The following CNRIP1 variants were observed in gnomAD, a reference collection of about 807,000 sequenced individuals.
CNRIP1 encodes cannabinoid receptor interacting protein 1, also known as CB1 cannabinoid receptor-interacting protein 1.
A neutral mutation model predicts 15.2 loss-of-function variants in CNRIP1; 10 were observed. The ratio of observed to expected loss-of-function variants is 0.66; its 90% confidence interval spans 0.41 to 1.12. CNRIP1 has a LOEUF of 1.12. Among genes scored for constraint, CNRIP1 ranks in the 50% most tolerant of loss-of-function variants. The pLI is 0.00. For synonymous variants in CNRIP1, 91 were observed against 83.2 expected (o/e 1.09, Z -0.51); for missense variants, 211 against 214.7 (o/e 0.98, Z 0.11).
chr2:68,308,063 T>G lies in CNRIP1; in HGVS notation c.330+9094A>C, dbSNP rs13420417. 6.9e-3 allele frequency among the ~76,000 whole-genome samples: 1,046 copies of G among 152,108 alleles called. 9 individuals carry two copies. Among genetic ancestry groups the G allele is most frequent in the African/African-American group, 0.024 (985 of 41,492 alleles). ...TAAAAATTGGCTTGGCGTGGTGGCA[T>G]GTGGCTGTAGTCCCAGCTATTCAGG... On this transcript the variant is annotated intron_variant, in intron 2 of 2. Coordinates refer to ENST00000263655, the MANE Select transcript of CNRIP1 (RefSeq NM_015463.3).
intron 2 of CNRIP1, among the ~76,000 whole-genome samples, chr2:68,286,527 T>C (rs909652109): frequency 1.3e-5 from 2 of 152,248 alleles, no homozygotes; most frequent in African/African-American, 2.4e-5. Context: ...GTTTCAGTTT[T>C]GGGAAATTCA....
rs368152736 is a variant in CNRIP1, at chr2:68,286,768, G to A, written c.331-2284C>T. Among the ~76,000 whole-genome samples the A allele has an allele frequency of 2.0e-3, 298 of 152,240 alleles. 1 individual carries two copies. The highest frequency in any genetic ancestry group is 6.9e-3 in the African/African-American group (285 of 41,548). ...TATAAACTTCTAGATGAGGGTAAGC[G>A]TGTTGAAGTCATACTGATTTGGATT... On this transcript the variant is annotated intron_variant, in intron 2 of 2. Transcript: ENST00000409559.
At chr2:68,316,967 T>G in intron 2 of CNRIP1, 190 bp downstream of exon 2, 1 of 709,166 alleles carries the variant, frequency 1.4e-6, no homozygotes, top group Non-Finnish European at 2.5e-6. Flanking sequence ...ACAGGGTCAG[T>G]CTGTCATGCA....
chr2:68,297,855 G>T (rs1671438168), intron 2 of CNRIP1, among the ~76,000 whole-genome samples: 3 of 151,962 alleles, frequency 2.0e-5, no homozygotes, highest in African/African-American at 4.8e-5. Flanking sequence ...AAGATGAATT[G>T]GAATGGTTTA....
intron 2 of CNRIP1, among the ~76,000 whole-genome samples, chr2:68,313,708 TG>T (rs2103685879): frequency 6.6e-6 from 1 of 152,266 alleles, no homozygotes; most frequent in East Asian, 1.9e-4. Context: ...TTTATTGGGG[TG>T]GTGATTATAT....
At position 68,293,683 on chromosome 2, in the gene CNRIP1, G is replaced by A; in HGVS notation, c.*179C>T. 1.5e-6 allele frequency: 2 copies of A among 1,370,382 alleles called. No individual in the cohort carries two copies. The highest frequency in any genetic ancestry group is 2.9e-5 in the African/African-American group (2 of 68,952). The allele number at this position is 1,370,382 out of a possible 1,614,324, so 84.9% of individuals were successfully genotyped here. ...CTCGGGAGTGGTACATCACCATCTT[G>A]TATGTGAGGGATATTGTGTCAGAGG... On this transcript the variant is annotated 3_prime_UTR_variant, in exon 3 of 3. Transcript: ENST00000263655.
rs761911753 is a variant in CNRIP1 at position 68,317,290 on chromosome 2, C to A, written c.197G>T (p.Gly66Val). 3.1e-6 allele frequency: 5 copies of A among 1,613,940 alleles called. No individual in the cohort carries two copies. The highest frequency in any genetic ancestry group is 4.2e-6 in the Non-Finnish European group (5 of 1,180,034). ...TLQVENISIG[G>V]VLVPLELKSK... ...CTTCAGTTCCAGTGGGACAAGCACA[C>A]CACCAATGGAAATATTCCTGCAATA... is the stretch of plus-strand genomic sequence containing the variant. Residue 66 changes from glycine to valine, a missense_variant, in exon 2 of 3, where the codon GGT (glycine) becomes GTT (valine). Coordinates refer to ENST00000263655, the MANE Select transcript of CNRIP1 (RefSeq NM_015463.3).
chr2:68,298,905 C>T (rs982915037), intron 2 of CNRIP1, among the ~76,000 whole-genome samples: 4 of 152,198 alleles, frequency 2.6e-5, no homozygotes, highest in African/African-American at 9.7e-5. Context: ...CCCTCCCCGC[C>T]CATCTGTCCC....
At chr2:68,301,824 G>A (rs1279988202) in intron 2 of CNRIP1, among the ~76,000 whole-genome samples, 1 of 148,658 alleles carries the variant, frequency 6.7e-6, no homozygotes, top group Non-Finnish European at 1.5e-5. Context: ...CCCGGGAGGC[G>A]GAGCTTGCAG....
chr2:68,284,292 G>A (rs1670974440), exon 3 of CNRIP1: 1 of 542,890 alleles, frequency 1.8e-6, no homozygotes, highest in African/African-American at 1.9e-5. Context: ...TAGAGTTTAG[G>A]AATCTACATT....
intron 2 of CNRIP1, among the ~76,000 whole-genome samples, chr2:68,307,139 G>C (rs1671883311): frequency 6.6e-6 from 1 of 152,032 alleles, no homozygotes; most frequent in South Asian, 2.1e-4. Context: ...TGTATATATT[G>C]TCTAACTACA....
Position 68,297,740 on chromosome 2 carries a change from G to C in CNRIP1, c.331-3714C>G, listed in dbSNP as rs549625329. Among the ~76,000 whole-genome samples the C allele has an allele frequency of 3.3e-5, 5 of 152,134 alleles. No individual in the cohort carries two copies. The South Asian group carries it at 6.2e-4, about 19-fold the overall frequency. ...GAAACAATCTAAGCATCCAACATTA[G>C]GAAAATATGAAAATGGTGGCATATC... On this transcript the variant is annotated intron_variant, in intron 2 of 2. Transcript: ENST00000263655.
At chr2:68,315,090 T>A (rs1427974413) in intron 2 of CNRIP1, among the ~76,000 whole-genome samples, 2 of 152,028 alleles carry the variant, frequency 1.3e-5, no homozygotes, top group Non-Finnish European at 2.9e-5. Context: ...AAATAAAAAT[T>A]AAAATATTAA....
Position 68,319,387 on chromosome 2 carries a change from G to A in CNRIP1, c.14C>T (p.Pro5Leu), listed in dbSNP as rs777868001. MGDL[P>L]GLVRLSIALR... ...CGCGATGGAGAGGCGCACGAGGCCCGGCAGGTCCCCCATGTCTGGGCGAGG... is the reference window on the plus strand; with the variant it reads ...CGCGATGGAGAGGCGCACGAGGCCCAGCAGGTCCCCCATGTCTGGGCGAGG... The change falls in exon 1 of 3, where the codon CCG (proline) becomes CTG (leucine). Residue 5 changes from proline to leucine, a missense_variant. Pro to Leu is a moderately conservative substitution (Grantham distance 98). Transcript: ENST00000263655. 2 of 1,578,438 alleles carry A rather than the reference G, an allele frequency of 1.3e-6. No individual in the cohort carries two copies. The highest frequency in any genetic ancestry group is 1.7e-5 in the Admixed American group (1 of 57,246).
exon 3 of CNRIP1, chr2:68,284,338 A>G (rs1381986689): frequency 5.1e-6 from 4 of 782,428 alleles, no homozygotes; most frequent in East Asian, 6.2e-5. Context: ...ATGGCCTGTG[A>G]GAAGCCCTCC....
At chr2:68,315,090 T>TA (rs1249922923) in intron 2 of CNRIP1, among the ~76,000 whole-genome samples, 1 of 152,028 alleles carries the variant, frequency 6.6e-6, no homozygotes, top group South Asian at 2.1e-4. Context: ...AAATAAAAAT[T>TA]AAAATATTAA....
chr2:68,307,261 C>A (rs1671890144), intron 2 of CNRIP1, among the ~76,000 whole-genome samples: 2 of 152,028 alleles, frequency 1.3e-5, no homozygotes, highest in South Asian at 4.1e-4. Flanking sequence ...ACTACATATT[C>A]TTTGCTACAA....
intron 2 of CNRIP1, chr2:68,284,535 G>T: frequency 7.9e-7 from 1 of 1,271,412 alleles, no homozygotes; most frequent in Non-Finnish European, 1.1e-6. Flanking sequence ...CAGTTGGGTA[G>T]GTGCAGTGAC....
At chr2:68,313,244 G>C (rs1672154415) in intron 2 of CNRIP1, among the ~76,000 whole-genome samples, 1 of 152,076 alleles carries the variant, frequency 6.6e-6, no homozygotes, top group Non-Finnish European at 1.5e-5. Flanking sequence ...ACTGCTGGTG[G>C]ATATACAAAA....
Sources: allele counts gnomAD v4.1 joint callset (sites outside exome capture counted in the v4.1 genomes callset), GRCh38; gene constraint gnomAD v4.1.1; transcripts MANE v1.5; gene names NCBI Gene and HGNC (gene_info 2026-07-23, HGNC 2026-07-21).